The following CDH4 variants were observed in gnomAD, a reference collection of about 807,000 sequenced individuals.
CDH4 encodes cadherin-4.
CDH4 carries 33 observed loss-of-function variants against 86.0 expected under a neutral mutation model. That is an observed-to-expected ratio of 0.38 (90% CI 0.29 to 0.51). The LOEUF is 0.51. CDH4 is among the 20% of genes least tolerant of loss of function. The pLI, the probability that CDH4 is intolerant of heterozygous loss-of-function variation, is 0.86. For missense variants in CDH4, 1,114 were observed against 1,307.4 expected (o/e 0.85, Z 2.28); for synonymous variants, 555 against 549.4 (o/e 1.01, Z -0.14).
intron 4 of CDH4, among the ~76,000 whole-genome samples, chr20:61,797,695 C>T (rs1568821540): frequency 6.6e-6 from 1 of 152,128 alleles, no homozygotes; most frequent in Non-Finnish European, 1.5e-5. Context: ...GCTGAGGCAG[C>T]AGGATTGCTT....
chr20:61,505,242 G>A (rs2085732154), intron 2 of CDH4, among the ~76,000 whole-genome samples: 1 of 152,188 alleles, frequency 6.6e-6, no homozygotes, highest in Non-Finnish European at 1.5e-5. Context: ...GCAGGAGAGA[G>A]CAGCACCGTC....
Position 61,473,881 on chromosome 20 carries a change from T to C in CDH4, c.169+218944T>C, listed in dbSNP as rs529829097. Among the ~76,000 whole-genome samples, 55 of 152,198 alleles carry C rather than the reference T, an allele frequency of 3.6e-4. 1 individual carries two copies. Among genetic ancestry groups the C allele is most frequent in the Non-Finnish European group, 6.3e-4 (43 of 68,010 alleles). On this transcript the variant is annotated intron_variant, in intron 2 of 15. Coordinates refer to ENST00000614565, the MANE Select transcript of CDH4 (RefSeq NM_001794.5). ...TCCTCTTTTTACAGCCATGTCAAGATAGAAGGGTGATTTTGGTGATCAGCT... is the reference window on the plus strand; with the variant it reads ...TCCTCTTTTTACAGCCATGTCAAGACAGAAGGGTGATTTTGGTGATCAGCT...
chr20:61,928,109 T>C (rs957500667), intron 11 of CDH4, 81 bp from the exon 12 acceptor site: 1 of 1,067,244 alleles, frequency 9.4e-7, no homozygotes, highest in African/African-American at 1.5e-5. Flanking sequence ...TGGTTGTTTG[T>C]GTGCGTGTCC....
intron 2 of CDH4, among the ~76,000 whole-genome samples, chr20:61,742,668 T>C (rs2088357102): frequency 6.6e-6 from 1 of 152,194 alleles, no homozygotes; most frequent in Non-Finnish European, 1.5e-5. Context: ...GGGTGCGTCG[T>C]AATTTACCAC....
intron 2 of CDH4, among the ~76,000 whole-genome samples, chr20:61,589,007 C>G (rs116707722): frequency 0.012 from 1,795 of 152,254 alleles, 41 homozygotes; most frequent in African/African-American, 0.041. Flanking sequence ...TAGTTGGAGC[C>G]GTTTGACGAC....
intron 4 of CDH4, among the ~76,000 whole-genome samples, chr20:61,805,433 C>T (rs1442741468): frequency 6.6e-6 from 1 of 152,236 alleles, no homozygotes; most frequent in Non-Finnish European, 1.5e-5. Context: ...AGCCCCATAA[C>T]CATAAAGGCC....
intron 2 of CDH4, among the ~76,000 whole-genome samples, chr20:61,378,794 A>G (rs1300956741): frequency 1.3e-5 from 2 of 152,112 alleles, no homozygotes; most frequent in African/African-American, 4.8e-5. Context: ...CTTTTTTTGG[A>G]AGTATTTCTA....
chr20:61,923,638 C>A lies in CDH4; in HGVS notation c.1562C>A (p.Pro521His). Residue 521 changes from proline (P) to histidine (H), a missense_variant, in exon 10 of 16, where the codon CCC (proline) becomes CAC (histidine). This residue lies in a region of CDH4 where 705 missense variants were observed against 914.1 expected (regional missense o/e 0.77). Coordinates refer to ENST00000614565, the MANE Select transcript of CDH4 (RefSeq NM_001794.5). The stretch of plus-strand genomic sequence containing the variant: ...CTGATCCGCCTGGAGGAGGGCGTGC[C>A]CCCCGGCACCGTGCTGACCACGTTT... ...HKLIRLEEGV[P>H]PGTVLTTFSA... 1 of 1,614,100 alleles carries A rather than the reference C, an allele frequency of 6.2e-7. No homozygotes were observed. Among genetic ancestry groups the A allele is most frequent in the South Asian group, 1.1e-5 (1 of 91,086 alleles).
At chr20:61,320,804 C>T (rs6093093) in intron 2 of CDH4, among the ~76,000 whole-genome samples, 8,858 of 151,648 alleles carry the variant, frequency 0.058, 537 homozygotes, top group African/African-American at 0.16. Flanking sequence ...GAGCAGCGTG[C>T]GCAGAGGTCC....
chr20:61,862,180 C>T (rs1035975355), intron 6 of CDH4, among the ~76,000 whole-genome samples: 5 of 152,194 alleles, frequency 3.3e-5, no homozygotes, highest in Admixed American at 6.5e-5. Context: ...ATGCCCTGGG[C>T]GACTCCCTTG....
At chr20:61,876,875 T>C (rs1309461835) in intron 7 of CDH4, among the ~76,000 whole-genome samples, 2 of 152,142 alleles carry the variant, frequency 1.3e-5, no homozygotes, top group Admixed American at 6.5e-5. Context: ...GTAGTTTATA[T>C]TGTAGGAAAG....
rs138328838 is a variant in CDH4, at chr20:61,510,467, A to G, written c.170-233096A>G. 1.3e-5 allele frequency among the ~76,000 whole-genome samples: 2 copies of G among 152,306 alleles called. No homozygotes were observed. The highest frequency in any genetic ancestry group is 3.9e-4 in the East Asian group (2 of 5,168). On this transcript the variant is annotated intron_variant, in intron 2 of 15. Transcript: ENST00000614565. The surrounding 1 kb of genome is among the most constrained non-coding windows in gnomAD (Gnocchi z 4.2). The stretch of plus-strand genomic sequence containing the variant: ...ATACGTTTACTATCGGAATGCCCGC[A>G]TGCCTGCTGGGCTGATGGCATCCCA...
chr20:61,830,871 C>T (rs1272289150), intron 4 of CDH4, among the ~76,000 whole-genome samples: 1 of 152,252 alleles, frequency 6.6e-6, no homozygotes, highest in African/African-American at 2.4e-5. Flanking sequence ...TGCCCACCTC[C>T]GCTCCTCTCT....
At chr20:61,760,405 C>A (rs749055233) in intron 3 of CDH4, among the ~76,000 whole-genome samples, 1 of 152,168 alleles carries the variant, frequency 6.6e-6, no homozygotes. Context: ...AGGACTGCAG[C>A]GTGCTGGGTG....
chr20:61,312,235 A>C (rs1168176012), intron 2 of CDH4, among the ~76,000 whole-genome samples: 1 of 143,124 alleles, frequency 7.0e-6, no homozygotes, highest in Non-Finnish European at 1.5e-5. Context: ...TGGTGTGTGC[A>C]TGTGTGTGGT....
At chr20:61,402,204 T>G (rs1181581888) in intron 2 of CDH4, among the ~76,000 whole-genome samples, 1 of 152,198 alleles carries the variant, frequency 6.6e-6, no homozygotes, top group Non-Finnish European at 1.5e-5. Context: ...CCAAGGATGC[T>G]CAAGTCCTTG....
chr20:61,891,500 C>T (rs1179010391), intron 7 of CDH4, among the ~76,000 whole-genome samples: 1 of 152,268 alleles, frequency 6.6e-6, no homozygotes, highest in Non-Finnish European at 1.5e-5. Context: ...TGATCTGCTG[C>T]AGGGACCACG....
chr20:61,677,023 CAG>C (rs918623989), intron 2 of CDH4, among the ~76,000 whole-genome samples: 5 of 152,138 alleles, frequency 3.3e-5, no homozygotes, highest in Non-Finnish European at 7.4e-5. Flanking sequence ...GAGGACCAGA[CAG>C]AGAGAGGACA....
intron 3 of CDH4, among the ~76,000 whole-genome samples, chr20:61,765,877 T>C (rs2088692595): frequency 6.6e-6 from 1 of 151,852 alleles, no homozygotes; most frequent in Non-Finnish European, 1.5e-5. Context: ...CCCGGGAAAG[T>C]CACTTGCTGG....
Sources: allele counts gnomAD v4.1 joint callset (sites outside exome capture counted in the v4.1 genomes callset), GRCh38; gene constraint gnomAD v4.1.1; regional missense constraint gnomAD v4.1.1; non-coding constraint Gnocchi (gnomAD v3.1); transcripts MANE v1.5; gene names NCBI Gene and HGNC (gene_info 2026-07-23, HGNC 2026-07-21).